Variants in NRXN1 observed in about 807,000 individuals in gnomAD.
NRXN1 encodes neurexin-1.
In NRXN1, 39 loss-of-function variants were observed where a neutral mutation model predicts 150.9. That is an observed-to-expected ratio of 0.26 (90% CI 0.20 to 0.34). NRXN1 has a LOEUF of 0.34. NRXN1 is among the 10% of genes least tolerant of loss of function. The pLI is 1.00. For missense variants in NRXN1, 1,815 were observed against 1,949.9 expected, an observed-to-expected ratio of 0.93 and a Z score of 1.30; for synonymous variants, 924 against 757.0, an observed-to-expected ratio of 1.22 and a Z score of -3.62.
In NRXN1 at chr2:49,987,428, AT is replaced by A. The variant is rs1254437323; in HGVS notation, c.4129-43638del. On this transcript the variant is annotated intron_variant, in intron 21 of 22. Coordinates refer to ENST00000401669, the MANE Select transcript of NRXN1 (RefSeq NM_001330078.2). Reference sequence around the variant, plus strand: ...ATATTTAGAGCATATATTATTTATTATTTTTTGTGTCTAATTTACATATATG... The same window carrying A: ...ATATTTAGAGCATATATTATTTATTATTTTTGTGTCTAATTTACATATATG... Among the ~76,000 whole-genome samples the A allele has an allele frequency of 3.9e-5, 6 of 152,190 alleles. No homozygotes were observed. In the East Asian group the frequency reaches 5.8e-4, roughly 15 times the overall value.
intron 5 of NRXN1, among the ~76,000 whole-genome samples, chr2:50,707,256 A>C (rs1243012052): frequency 1.3e-5 from 2 of 152,206 alleles, no homozygotes; most frequent in African/African-American, 4.8e-5. Flanking sequence ...ACAGCTGTAC[A>C]AAAGACATTC....
chr2:50,527,168 G>A (rs2092975788), intron 12 of NRXN1, among the ~76,000 whole-genome samples: 3 of 152,062 alleles, frequency 2.0e-5, no homozygotes, highest in African/African-American at 7.2e-5. Context: ...AGGAATATTG[G>A]TCCCCACAAG....
chr2:50,496,581 C>T (rs909944908), intron 14 of NRXN1, among the ~76,000 whole-genome samples: 46 of 152,166 alleles, frequency 3.0e-4, no homozygotes, highest in African/African-American at 1.1e-3. Context: ...TCTCCTGAGC[C>T]TTTGAATGTG....
At chr2:50,734,575 A>T (rs1698486336) in intron 5 of NRXN1, among the ~76,000 whole-genome samples, 1 of 152,154 alleles carries the variant, frequency 6.6e-6, no homozygotes, top group Admixed American at 6.6e-5. Flanking sequence ...AGTGAGAACA[A>T]GCACCTGGCT....
intron 17 of NRXN1, among the ~76,000 whole-genome samples, chr2:50,261,603 T>A (rs926542293): frequency 2.6e-5 from 4 of 151,902 alleles, no homozygotes; most frequent in African/African-American, 7.2e-5. Context: ...GTGATATGTG[T>A]GTTAAATTTT....
intron 21 of NRXN1, among the ~76,000 whole-genome samples, chr2:50,005,594 C>T (rs951589401): frequency 6.6e-6 from 1 of 152,116 alleles, no homozygotes; most frequent in Non-Finnish European, 1.5e-5. Flanking sequence ...AATAACTTCT[C>T]ATTACTACTA....
At chr2:50,296,620 T>C (rs2073604821) in intron 17 of NRXN1, among the ~76,000 whole-genome samples, 1 of 151,714 alleles carries the variant, frequency 6.6e-6, no homozygotes, top group Admixed American at 6.6e-5. Context: ...AGGCATGCAC[T>C]ACTGGCTGGC....
intron 17 of NRXN1, among the ~76,000 whole-genome samples, chr2:50,296,881 C>CTT (rs4032054): frequency 2.2e-4 from 25 of 112,928 alleles, no homozygotes; most frequent in African/African-American, 6.1e-4. Flanking sequence ...TTCTTTCTTT[C>CTT]TTTTTTTTTT....
chr2:49,973,854 C>A, intron 21 of NRXN1: 3 of 599,454 alleles, frequency 5.0e-6, no homozygotes, highest in South Asian at 2.2e-5. Context: ...TTAGTTTATC[C>A]AAATGAGTTT....
chr2:50,898,201 G>A (rs917745579), intron 5 of NRXN1, among the ~76,000 whole-genome samples: 1 of 152,014 alleles, frequency 6.6e-6, no homozygotes, highest in Admixed American at 6.6e-5. Flanking sequence ...TCTATATGAA[G>A]AATCCTTTCA....
At chr2:50,073,843 A>G (rs576898405) in intron 19 of NRXN1, among the ~76,000 whole-genome samples, 1 of 152,312 alleles carries the variant, frequency 6.6e-6, no homozygotes, top group Non-Finnish European at 1.5e-5. Flanking sequence ...AAATGAGTGC[A>G]CTATTAGTTT....
At chr2:50,028,009 A>G (rs1205780626) in intron 21 of NRXN1, among the ~76,000 whole-genome samples, 3 of 152,128 alleles carry the variant, frequency 2.0e-5, no homozygotes, top group South Asian at 2.1e-4. Flanking sequence ...TGTCTTGGGC[A>G]TAAGTACTGA....
intron 17 of NRXN1, among the ~76,000 whole-genome samples, chr2:50,386,517 T>C (rs533848444): frequency 6.6e-6 from 1 of 152,206 alleles, no homozygotes; most frequent in East Asian, 1.9e-4. Flanking sequence ...AGCAAAGTCA[T>C]AATAAGATTA....
intron 17 of NRXN1, among the ~76,000 whole-genome samples, chr2:50,317,812 C>T (rs1226014951): frequency 6.6e-6 from 1 of 151,838 alleles, no homozygotes; most frequent in Non-Finnish European, 1.5e-5. Flanking sequence ...CCAAAAAGAT[C>T]ATGAAAGGAA....
intron 17 of NRXN1, among the ~76,000 whole-genome samples, chr2:50,294,872 AG>A (rs1444156206): frequency 6.6e-6 from 1 of 152,190 alleles, no homozygotes; most frequent in African/African-American, 2.4e-5. Context: ...TTAAATTACA[AG>A]TCTGTCCAGG....
intron 10 of NRXN1, among the ~76,000 whole-genome samples, chr2:50,534,552 AG>A: frequency 6.6e-6 from 1 of 152,328 alleles, no homozygotes; most frequent in East Asian, 1.9e-4. Flanking sequence ...AATTCTAGAG[AG>A]AAAAATGCTT....
At chr2:50,154,043 G>C (rs777059582) in intron 18 of NRXN1, among the ~76,000 whole-genome samples, 8 of 151,738 alleles carry the variant, frequency 5.3e-5, no homozygotes, top group Non-Finnish European at 1.2e-4. Flanking sequence ...TCCCTTAGAA[G>C]TTATACACCT....
intron 21 of NRXN1, among the ~76,000 whole-genome samples, chr2:49,982,596 T>C (rs1294151825): frequency 6.6e-6 from 1 of 152,118 alleles, no homozygotes; most frequent in Admixed American, 6.6e-5. Context: ...TGAATAGTTA[T>C]AGTAATAAAG....
At chr2:50,962,300 T>TTAAAATTCTGATTATCTTCCTGAG (rs1693325001) in intron 2 of NRXN1, among the ~76,000 whole-genome samples, 2 of 151,780 alleles carry the variant, frequency 1.3e-5, no homozygotes, top group Non-Finnish European at 2.9e-5. Flanking sequence ...TACTTTCCAG[T>TTAAAATTCTGATTATCTTCCTGAG]TAAAATTCTG....
Sources: allele counts gnomAD v4.1 joint callset (sites outside exome capture counted in the v4.1 genomes callset), GRCh38; gene constraint gnomAD v4.1.1; transcripts MANE v1.5; gene names NCBI Gene and HGNC (gene_info 2026-07-23, HGNC 2026-07-21).